Variants in CDYL2 observed in about 807,000 individuals in gnomAD.
CDYL2 encodes the protein chromodomain Y like 2.
A neutral mutation model predicts 49.4 loss-of-function variants in CDYL2; 23 were observed. That is an observed-to-expected ratio of 0.47 (90% CI 0.34 to 0.66). The LOEUF (loss-of-function observed/expected upper bound fraction) is 0.66. Ranked by LOEUF, CDYL2 falls within the 30% of genes least tolerant of loss-of-function variation. The pLI, the probability that CDYL2 is intolerant of heterozygous loss-of-function variation, is 0.01. For missense variants in CDYL2, 678 were observed against 656.4 expected, an observed-to-expected ratio of 1.03 and a Z score of -0.36; for synonymous variants, 360 against 268.8, an observed-to-expected ratio of 1.34 and a Z score of -3.32.
At chr16:80,605,590 G>T (rs1906296346) in intron 6 of CDYL2, among the ~76,000 whole-genome samples, 1 of 150,612 alleles carries the variant, frequency 6.6e-6, no homozygotes, top group Non-Finnish European at 1.5e-5. Context: ...AATAATCATA[G>T]TAACAGTAAT....
intron 1 of CDYL2, among the ~76,000 whole-genome samples, chr16:80,767,345 A>G (rs1476836993): frequency 6.6e-6 from 1 of 152,234 alleles, no homozygotes; most frequent in Non-Finnish European, 1.5e-5. Flanking sequence ...CTTTGGAGAC[A>G]CTAAATATAC....
At chr16:80,656,413 A>T (rs376338345) in intron 2 of CDYL2, among the ~76,000 whole-genome samples, 20 of 152,356 alleles carry the variant, frequency 1.3e-4, no homozygotes, top group African/African-American at 4.8e-4. Flanking sequence ...CTGCATTCAG[A>T]TCCCACATCC....
At chr16:80,709,437 G>A (rs1321860329) in intron 1 of CDYL2, among the ~76,000 whole-genome samples, 1 of 151,470 alleles carries the variant, frequency 6.6e-6, no homozygotes, top group Non-Finnish European at 1.5e-5. Context: ...ATATATCAGG[G>A]AATAATTTGA....
chr16:80,652,753 C>T (rs1908638696), intron 2 of CDYL2, among the ~76,000 whole-genome samples: 1 of 152,182 alleles, frequency 6.6e-6, no homozygotes, highest in African/African-American at 2.4e-5. Context: ...GGCACTTACC[C>T]TCTGGGGTCC....
At chr16:80,640,668 C>T (rs1191713011) in intron 2 of CDYL2, among the ~76,000 whole-genome samples, 1 of 152,156 alleles carries the variant, frequency 6.6e-6, no homozygotes, top group Non-Finnish European at 1.5e-5. Context: ...TTCAAAGTAG[C>T]TGTTCTGAGG....
At chr16:80,624,223 G>A (rs1388324511) in intron 3 of CDYL2, among the ~76,000 whole-genome samples, 4 of 152,146 alleles carry the variant, frequency 2.6e-5, no homozygotes, top group Admixed American at 6.5e-5. Context: ...TGATGGAATC[G>A]GCTTTACCAC....
rs974390678 is a variant in CDYL2, at chr16:80,603,581, T to A, written c.*807A>T. ...CATTGCTAGAATGCACCAAACGGCA[T>A]GAACCTTGTGTGGGATTTGGTCCAG... On this transcript the variant is annotated 3_prime_UTR_variant, in exon 7 of 7. Transcript: ENST00000570137. 1 of 152,588 alleles carries A rather than the reference T, an allele frequency of 6.6e-6. No homozygotes were observed. The highest frequency in any genetic ancestry group is 2.4e-5 in the African/African-American group (1 of 41,452). The allele number at this position is 152,588 out of a possible 1,614,324, so 9.5% of individuals were successfully genotyped here. A position where few individuals can be genotyped will look rare whatever the true frequency, so the allele number is the denominator to read the frequency against.
At chr16:80,739,300 CA>C (rs1905650244) in intron 1 of CDYL2, among the ~76,000 whole-genome samples, 2 of 152,110 alleles carry the variant, frequency 1.3e-5, no homozygotes, top group South Asian at 4.2e-4. Context: ...TTCAGTTTTG[CA>C]AGATGAAAAG....
chr16:80,604,616 C>T, intron 6 of CDYL2, 70 bp from the exon 7 acceptor site: 1 of 1,556,056 alleles, frequency 6.4e-7, no homozygotes, highest in Non-Finnish European at 8.9e-7. Flanking sequence ...GTACCTGGCC[C>T]ATGGGGCACT....
At chr16:80,635,118 G>A (rs9931732) in intron 2 of CDYL2, among the ~76,000 whole-genome samples, 8,975 of 152,158 alleles carry the variant, frequency 0.059, 810 homozygotes, top group African/African-American at 0.2. Context: ...GGAATTATAC[G>A]CCACAATCAG....
chr16:80,732,790 A>C (rs17826881), intron 1 of CDYL2, among the ~76,000 whole-genome samples: 64,207 of 152,084 alleles, frequency 0.42, 16,365 homozygotes, highest in Middle Eastern at 0.61. Context: ...TTTTATTCCA[A>C]TTGTTACCAA....
intron 2 of CDYL2, among the ~76,000 whole-genome samples, chr16:80,665,505 T>TAAAAAAAAA (rs35248259): frequency 8.1e-4 from 98 of 121,610 alleles, no homozygotes; most frequent in African/African-American, 3.1e-3. Context: ...TTTTTGCCAT[T>TAAAAAAAAA]AAAAAAAAAA....
At position 80,608,119 on chromosome 16, in the gene CDYL2, G is replaced by T; in HGVS notation, c.1335C>A (p.Val445=). The part of the protein sequence containing the change: ...TTFSQEVMLR[V]KEMASCSAVV... The stretch of plus-strand genomic sequence containing the variant: ...CGGCACTGCAGGATGCCATCTCCTT[G>T]ACCCGCAGCATGACCTCCTGGCTGA... Residue 445 remains valine (V), a synonymous_variant, in exon 6 of 7, where the codon GTC becomes GTA. Transcript: ENST00000570137. The T allele has an allele frequency of 6.2e-7, 1 of 1,600,828 alleles. No homozygotes were observed. Among genetic ancestry groups the T allele is most frequent in the South Asian group, 1.1e-5 (1 of 88,102 alleles).
chr16:80,747,013 T>C (rs1905955859), intron 1 of CDYL2, among the ~76,000 whole-genome samples: 1 of 152,084 alleles, frequency 6.6e-6, no homozygotes, highest in East Asian at 1.9e-4. Context: ...TTTGCCACAA[T>C]CCCCAGTACT....
chr16:80,727,497 G>A (rs1218423511), intron 1 of CDYL2, among the ~76,000 whole-genome samples: 1 of 152,222 alleles, frequency 6.6e-6, no homozygotes, highest in Non-Finnish European at 1.5e-5. Context: ...AGATCAAACT[G>A]CAAGGTGGAA....
At chr16:80,709,257 C>T (rs1228238526) in intron 1 of CDYL2, among the ~76,000 whole-genome samples, 1 of 151,992 alleles carries the variant, frequency 6.6e-6, no homozygotes, top group African/African-American at 2.4e-5. Context: ...TGGCGTGCAC[C>T]TGTAGCCCCA....
chr16:80,608,456 C>G (rs1157955332), intron 5 of CDYL2, among the ~76,000 whole-genome samples: 3 of 152,154 alleles, frequency 2.0e-5, no homozygotes, highest in African/African-American at 7.2e-5. Context: ...CCCAAAGGAG[C>G]TGTGTATTTA....
At chr16:80,699,518 G>C (rs941325812) in intron 1 of CDYL2, among the ~76,000 whole-genome samples, 4 of 102,160 alleles carry the variant, frequency 3.9e-5, no homozygotes, top group Admixed American at 9.2e-5. Flanking sequence ...GTGAAGAATA[G>C]CACGAACAGA....
chr16:80,730,364 A>C (rs1430460743), intron 1 of CDYL2, among the ~76,000 whole-genome samples: 5 of 151,850 alleles, frequency 3.3e-5, no homozygotes, highest in Non-Finnish European at 4.4e-5. Context: ...GAAATGGATA[A>C]ATTCCTCGAC....
Sources: gnomAD v4.1 joint callset for allele counts (sites outside exome capture counted in the v4.1 genomes callset) on GRCh38, gnomAD v4.1.1 for gene constraint, MANE v1.5 for transcripts, NCBI Gene and HGNC (gene_info 2026-07-23, HGNC 2026-07-21) for gene names.